The following MSH3 variants were observed in gnomAD, a reference collection of about 807,000 sequenced individuals.
The protein encoded by MSH3 is mutS homolog 3, also known as DNA mismatch repair protein Msh3.
In MSH3, 106 loss-of-function variants were observed where a neutral mutation model predicts 123.3. The observed-to-expected ratio is 0.86, with a 90% CI of 0.73 to 1.01. The LOEUF is 1.01. Among genes scored for constraint, MSH3 ranks in the 50% least tolerant of loss-of-function variants. The pLI, the probability that MSH3 is intolerant of heterozygous loss-of-function variation, is 0.00. For missense variants in MSH3, 1,459 were observed against 1,347.6 expected (o/e 1.08, Z -1.29); for synonymous variants, 515 against 481.4 (o/e 1.07, Z -0.91).
At chr5:80,849,938 A>G (rs1745801036) in intron 20 of MSH3, among the ~76,000 whole-genome samples, 1 of 152,142 alleles carries the variant, frequency 6.6e-6, no homozygotes, top group Non-Finnish European at 1.5e-5. Context: ...CCAAACTTTT[A>G]TACTCTGTTT....
intron 12 of MSH3, among the ~76,000 whole-genome samples, chr5:80,756,429 T>C (rs6151766): frequency 0.34 from 51,346 of 151,966 alleles, 9,183 homozygotes; most frequent in South Asian, 0.42. Context: ...CCTGACACTG[T>C]TCTTATGTGC....
intron 19 of MSH3, among the ~76,000 whole-genome samples, chr5:80,812,534 G>C (rs1165574001): frequency 2.0e-5 from 3 of 150,114 alleles, no homozygotes. Context: ...TATTTGATTG[G>C]CCTAGTTTGA....
At chr5:80,778,633 TAATA>T in intron 16 of MSH3, 83 bp from the exon 17 acceptor site, 3 of 800,084 alleles carry the variant, frequency 3.7e-6, no homozygotes, top group Admixed American at 1.7e-5. Context: ...CATCAGAGAA[TAATA>T]AATAACTAAT....
chr5:80,674,712 G>A (rs1216653431), intron 6 of MSH3, among the ~76,000 whole-genome samples: 2 of 152,136 alleles, frequency 1.3e-5, no homozygotes, highest in Non-Finnish European at 2.9e-5. Context: ...TGTGTGAAAT[G>A]AACCATCATT....
At chr5:80,736,498 T>C (rs1743511678) in intron 10 of MSH3, among the ~76,000 whole-genome samples, 1 of 152,174 alleles carries the variant, frequency 6.6e-6, no homozygotes, top group Non-Finnish European at 1.5e-5. Flanking sequence ...ATAGCAGGCC[T>C]AATCACAAAG....
At chr5:80,798,879 A>T (rs1202242068) in intron 19 of MSH3, among the ~76,000 whole-genome samples, 1 of 152,100 alleles carries the variant, frequency 6.6e-6, no homozygotes, top group Non-Finnish European at 1.5e-5. Context: ...CCAACAAAAC[A>T]CTGCCTCTTC....
At chr5:80,712,051 AGGCATGGCTGGAATTG>A (rs1246656481) in intron 8 of MSH3, among the ~76,000 whole-genome samples, 1 of 152,214 alleles carries the variant, frequency 6.6e-6, no homozygotes, top group African/African-American at 2.4e-5. Flanking sequence ...GGCTGGAATC[AGGCATGGCTGGAATTG>A]GGCATGGCTG....
chr5:80,721,930 A>G (rs1751089877), intron 8 of MSH3, among the ~76,000 whole-genome samples: 2 of 152,142 alleles, frequency 1.3e-5, no homozygotes, highest in Admixed American at 6.6e-5. Context: ...TGTATCTTTT[A>G]CATATGTCTA....
intron 10 of MSH3, among the ~76,000 whole-genome samples, chr5:80,740,595 C>T (rs183923797): frequency 3.4e-4 from 51 of 152,164 alleles, no homozygotes; most frequent in African/African-American, 1.2e-3. Flanking sequence ...CTCTTGACCT[C>T]GTGATCCACC....
chr5:80,698,250 A>G (rs1233524834), intron 8 of MSH3, among the ~76,000 whole-genome samples: 1 of 152,196 alleles, frequency 6.6e-6, no homozygotes, highest in African/African-American at 2.4e-5. Flanking sequence ...CAAGTTGTTG[A>G]TACATCTTCT....
At chr5:80,690,915 T>C (rs1750228783) in intron 8 of MSH3, among the ~76,000 whole-genome samples, 1 of 152,132 alleles carries the variant, frequency 6.6e-6, no homozygotes, top group Non-Finnish European at 1.5e-5. Flanking sequence ...TTTATCTGTT[T>C]ATAGATAATC....
intron 8 of MSH3, among the ~76,000 whole-genome samples, chr5:80,709,209 A>ATGTG (rs139977038): frequency 0.24 from 35,150 of 146,908 alleles, 4,091 homozygotes; most frequent in Admixed American, 0.33. Flanking sequence ...TAAAATAGAT[A>ATGTG]TGTGTGTGTG....
chr5:80,690,935 A>G (rs987404399), intron 8 of MSH3, among the ~76,000 whole-genome samples: 1 of 152,076 alleles, frequency 6.6e-6, no homozygotes, highest in Non-Finnish European at 1.5e-5. Context: ...CTGTCTGTAT[A>G]TGCCTTCTAA....
intron 12 of MSH3, among the ~76,000 whole-genome samples, chr5:80,745,112 G>A (rs1011849326): frequency 6.6e-6 from 1 of 152,198 alleles, no homozygotes; most frequent in Non-Finnish European, 1.5e-5. Flanking sequence ...AGTGAGTAAA[G>A]TTGGAGCTCC....
At chr5:80,848,082 AT>A (rs1222758773) in intron 20 of MSH3, among the ~76,000 whole-genome samples, 1 of 152,210 alleles carries the variant, frequency 6.6e-6, no homozygotes, top group Non-Finnish European at 1.5e-5. Flanking sequence ...GATACAAAAA[AT>A]AAAAAATTAG....
chr5:80,826,486 A>C (rs560394326), intron 20 of MSH3, among the ~76,000 whole-genome samples: 1 of 152,140 alleles, frequency 6.6e-6, no homozygotes, highest in Non-Finnish European at 1.5e-5. Flanking sequence ...ACTATGTGCT[A>C]TACAGTGTGC....
intron 8 of MSH3, among the ~76,000 whole-genome samples, chr5:80,695,785 CTG>C (rs1268634353): frequency 1.3e-5 from 2 of 152,156 alleles, no homozygotes; most frequent in Non-Finnish European, 2.9e-5. Flanking sequence ...TCTGACATCT[CTG>C]TTATCTTGGT....
chr5:80,733,602 T>TAG (rs568157679), intron 10 of MSH3, among the ~76,000 whole-genome samples: 171 of 151,834 alleles, frequency 1.1e-3, no homozygotes, highest in African/African-American at 3.9e-3. Context: ...CTAGAATATA[T>TAG]ATATATATAT....
chr5:80,789,636 G>A (rs930815701), intron 18 of MSH3, among the ~76,000 whole-genome samples: 2 of 152,216 alleles, frequency 1.3e-5, no homozygotes, highest in African/African-American at 2.4e-5. Flanking sequence ...CTTCCAAAGT[G>A]CTGGAATTAT....
Sources: allele counts gnomAD v4.1 joint callset (sites outside exome capture counted in the v4.1 genomes callset), GRCh38; gene constraint gnomAD v4.1.1; transcripts MANE v1.5; gene names NCBI Gene and HGNC (gene_info 2026-07-23, HGNC 2026-07-21).